C1QTNF1: variants seen among roughly 807,000 people sequenced by gnomAD.
C1QTNF1 encodes the protein C1q and TNF related 1, also known as complement C1q tumor necrosis factor-related protein 1.
In C1QTNF1, 22 loss-of-function variants were observed where a neutral mutation model predicts 27.8. That is an observed-to-expected ratio of 0.79 (90% CI 0.56 to 1.13). C1QTNF1 has a LOEUF of 1.13. Ranked by LOEUF, C1QTNF1 falls within the 50% of genes most tolerant of loss-of-function variation. The pLI, the probability that C1QTNF1 is intolerant of heterozygous loss-of-function variation, is 0.00. For missense variants in C1QTNF1, 373 were observed against 380.2 expected (o/e 0.98, Z 0.16); for synonymous variants, 166 against 154.3 (o/e 1.08, Z -0.56).
In C1QTNF1 at chr17:79,047,892, A is replaced by T; in HGVS notation, c.650A>T (p.Glu217Val). 1 of 1,614,096 alleles carries T rather than the reference A, an allele frequency of 6.2e-7. No individual in the cohort carries two copies. The highest frequency in any genetic ancestry group is 8.5e-7 in the Non-Finnish European group (1 of 1,180,010). The part of the protein sequence containing the change: ...TYLHIMKNEE[E>V]VVILFAQVGD... ...CTGCACATCATGAAGAACGAGGAGG[A>T]GGTGGTGATCTTGTTCGCGCAGGTG... is the stretch of plus-strand genomic sequence containing the variant. The change falls in exon 4 of 4, where the codon GAG (glutamate) becomes GTG (valine). Residue 217 changes from glutamate to valine, a missense_variant. Transcript: ENST00000579760.
At chr17:79,037,041 A>T (rs1359437548) in intron 1 of C1QTNF1, among the ~76,000 whole-genome samples, 1 of 152,254 alleles carries the variant, frequency 6.6e-6, no homozygotes, top group African/African-American at 2.4e-5. Flanking sequence ...CGCTGTCAGC[A>T]CACAAGCATG....
intron 1 of C1QTNF1, among the ~76,000 whole-genome samples, chr17:79,039,879 GA>G (rs1029538457): frequency 2.2e-4 from 33 of 151,526 alleles, no homozygotes; most frequent in African/African-American, 5.8e-4. Context: ...TGGGATTCAG[GA>G]AAAAAATATT....
chr17:79,039,510 G>A (rs558241172), intron 1 of C1QTNF1, among the ~76,000 whole-genome samples: 102 of 152,266 alleles, frequency 6.7e-4, no homozygotes, highest in African/African-American at 2.4e-3. Context: ...AAAATTAGCC[G>A]GGTGTGGAGG....
In C1QTNF1 at chr17:79,046,795, T is replaced by G; in HGVS notation, c.295+101T>G. The stretch of plus-strand genomic sequence containing the variant: ...AGGGTGGGGCTAGGCGAGAGCAGAA[T>G]GGCTCCCTCGGGACAGGGAGCAGAG... On this transcript the variant is annotated intron_variant, in intron 3 of 3. Coordinates refer to ENST00000579760, the MANE Select transcript of C1QTNF1 (RefSeq NM_030968.5). This position sits in a 1 kb window ranked among gnomAD's most constrained non-coding sequence, Gnocchi z 4.8. The G allele has an allele frequency of 1.4e-6, 2 of 1,471,784 alleles. No individual in the cohort carries two copies. Among genetic ancestry groups the G allele is most frequent in the Non-Finnish European group, 1.9e-6 (2 of 1,078,038 alleles). The allele number at this position is 1,471,784 out of a possible 1,614,324, so 91.2% of individuals were successfully genotyped here.
chr17:79,031,187 A>G (rs910419014), intron 1 of C1QTNF1, among the ~76,000 whole-genome samples: 1 of 150,074 alleles, frequency 6.7e-6, no homozygotes, highest in East Asian at 2.0e-4. Flanking sequence ...TTGTATTTTT[A>G]GTAGAGACGG....
chr17:79,042,910 G>A (rs537394734), intron 1 of C1QTNF1, among the ~76,000 whole-genome samples: 7 of 152,318 alleles, frequency 4.6e-5, no homozygotes, highest in South Asian at 4.1e-4. Flanking sequence ...GAGAGTATGC[G>A]GGCGTGCACG....
At chr17:79,039,387 C>T (rs7210503) in intron 1 of C1QTNF1, among the ~76,000 whole-genome samples, 17,458 of 151,182 alleles carry the variant, frequency 0.12, 1,328 homozygotes, top group African/African-American at 0.21. Context: ...CGGTGGCAAA[C>T]GCCCGTAATC....
chr17:79,041,201 G>A (rs563039019), intron 1 of C1QTNF1, among the ~76,000 whole-genome samples: 3 of 152,276 alleles, frequency 2.0e-5, no homozygotes, highest in South Asian at 2.1e-4. Flanking sequence ...TCATTGGGAC[G>A]GTCTCTGGGC....
At chr17:79,029,228 G>A (rs574010886) in intron 1 of C1QTNF1, among the ~76,000 whole-genome samples, 48 of 152,288 alleles carry the variant, frequency 3.2e-4, no homozygotes, top group South Asian at 1.5e-3. Flanking sequence ...CCCAGTGGGC[G>A]GGAACGGTCG....
chr17:79,024,156 C>G (rs1268700129), upstream of C1QTNF1: 2 of 152,440 alleles, frequency 1.3e-5, no homozygotes, highest in African/African-American at 4.8e-5. Flanking sequence ...GTGTTGGAGG[C>G]TCCTCGCTGC....
chr17:79,035,535 A>T (rs2072245449), intron 1 of C1QTNF1, among the ~76,000 whole-genome samples: 1 of 151,390 alleles, frequency 6.6e-6, no homozygotes, highest in East Asian at 1.9e-4. Context: ...GGTTCAAGCG[A>T]TTCTCCTGTC....
At position 79,048,302 on chromosome 17, in the gene C1QTNF1, C is replaced by G; in HGVS notation, c.*214C>G. 1.8e-6 allele frequency: 1 copy of G among 568,880 alleles called. No individual in the cohort carries two copies. Among genetic ancestry groups the G allele is most frequent in the Non-Finnish European group, 3.0e-6 (1 of 334,576 alleles). 35.2% of individuals were successfully genotyped at this position (568,880 alleles called of 1,614,324 possible). Reference sequence around the variant, plus strand: ...TGAAATCACCAGGGCGGGGCACCCGCGAGAACCCTCTGGGACCTTCCGCGG... The same window carrying G: ...TGAAATCACCAGGGCGGGGCACCCGGGAGAACCCTCTGGGACCTTCCGCGG... On this transcript the variant is annotated 3_prime_UTR_variant, in exon 4 of 4. Coordinates refer to ENST00000579760, the MANE Select transcript of C1QTNF1 (RefSeq NM_030968.5).
At chr17:79,043,848 G>T in intron 1 of C1QTNF1, 107 bp from the exon 2 acceptor site, 2 of 1,243,900 alleles carry the variant, frequency 1.6e-6, no homozygotes, top group Non-Finnish European at 2.3e-6. Context: ...TGAGGCTGGG[G>T]AAGCACCTCC....
At chr17:79,026,144 C>T (rs1287771985) in intron 1 of C1QTNF1, among the ~76,000 whole-genome samples, 5 of 151,974 alleles carry the variant, frequency 3.3e-5, no homozygotes, top group Non-Finnish European at 7.4e-5. Flanking sequence ...GTCTTTATCC[C>T]AAGTGCGTCA....
rs1213649786 is a variant in C1QTNF1 at position 79,049,167 on chromosome 17, C to G, written c.*1079C>G. ...TCCAGACCCCTTCTGCCCCCACTGCCCTCATCCAGGCCTCTGACCAGTAGC... is the reference window on the plus strand; with the variant it reads ...TCCAGACCCCTTCTGCCCCCACTGCGCTCATCCAGGCCTCTGACCAGTAGC... On this transcript the variant is annotated 3_prime_UTR_variant, in exon 4 of 4. Transcript: ENST00000579760. This position sits in a 1 kb window ranked among gnomAD's most constrained non-coding sequence, Gnocchi z 4.4. 6.6e-6 allele frequency: 1 copy of G among 152,544 alleles called. No individual in the cohort carries two copies. The highest frequency in any genetic ancestry group is 1.5e-5 in the Non-Finnish European group (1 of 68,304). 9.4% of individuals were successfully genotyped at this position (152,544 alleles called of 1,614,324 possible).
rs565333002 is a variant in C1QTNF1 at position 79,048,357 on chromosome 17, CGCACG to C, written c.*272_*276del. On this transcript the variant is annotated 3_prime_UTR_variant, in exon 4 of 4. Transcript: ENST00000579760. ...CTCTGCACACATCCTCAAGTGACCC[CGCACG>C]GCGAGACGCGGGTGGCGGCAGGGCG... 898 of 388,048 alleles carry C rather than the reference CGCACG, an allele frequency of 2.3e-3. 2 individuals carry two copies. The highest frequency in any genetic ancestry group is 3.4e-3 in the Non-Finnish European group (737 of 219,202). 24.0% of individuals were successfully genotyped at this position (388,048 alleles called of 1,614,324 possible).
At chr17:79,040,631 C>T (rs905849764) in intron 1 of C1QTNF1, among the ~76,000 whole-genome samples, 5 of 150,350 alleles carry the variant, frequency 3.3e-5, no homozygotes, top group Admixed American at 2.7e-4. Flanking sequence ...TGGAGGATCA[C>T]GCCTGTAATC....
At chr17:79,043,637 T>G in intron 1 of C1QTNF1, 1 of 490,618 alleles carries the variant, frequency 2.0e-6, no homozygotes. Flanking sequence ...GTGGGTTGCA[T>G]GTGAGTGTAT....
intron 2 of C1QTNF1, among the ~76,000 whole-genome samples, chr17:79,044,661 G>C (rs918360339): frequency 6.6e-6 from 1 of 152,138 alleles, no homozygotes; most frequent in African/African-American, 2.4e-5. Flanking sequence ...GATGGCCTTC[G>C]TGTCTACGAC....
Sources: gnomAD v4.1 joint callset for allele counts (sites outside exome capture counted in the v4.1 genomes callset) on GRCh38, gnomAD v4.1.1 for gene constraint, Gnocchi (gnomAD v3.1) non-coding constraint, MANE v1.5 for transcripts, NCBI Gene and HGNC (gene_info 2026-07-23, HGNC 2026-07-21) for gene names.